Variants in ARID1B observed in about 807,000 individuals in gnomAD.
ARID1B encodes the protein AT-rich interactive domain-containing protein 1B.
Under a neutral mutation model 212.3 loss-of-function variants are expected in ARID1B, and 30 were observed. That is an observed-to-expected ratio of 0.14 (90% CI 0.11 to 0.19). ARID1B has a LOEUF of 0.19. ARID1B is among the 10% of genes least tolerant of loss of function. ARID1B has a pLI of 1.00. For synonymous variants in ARID1B, 1,402 were observed against 1,301.7 expected, an observed-to-expected ratio of 1.08 and a Z score of -1.66; for missense variants, 2,891 against 3,204.0, an observed-to-expected ratio of 0.90 and a Z score of 2.36.
intron 13 of ARID1B, chr6:157,185,987 G>A (rs974886574): frequency 6.5e-6 from 1 of 152,764 alleles, no homozygotes; most frequent in African/African-American, 2.4e-5. Flanking sequence ...AGTTCACAGA[G>A]TAAAACAAGC....
intron 4 of ARID1B, among the ~76,000 whole-genome samples, chr6:156,995,705 G>A (rs1778546391): frequency 6.6e-6 from 1 of 152,214 alleles, no homozygotes; most frequent in South Asian, 2.1e-4. Context: ...TGCTGTACCA[G>A]CTGCTATTAA....
At chr6:157,031,953 C>T (rs1781041359) in intron 4 of ARID1B, among the ~76,000 whole-genome samples, 2 of 152,152 alleles carry the variant, frequency 1.3e-5, no homozygotes, top group Admixed American at 6.5e-5. Flanking sequence ...TGCGCCACCA[C>T]GCTCAGCTAA....
intron 2 of ARID1B, among the ~76,000 whole-genome samples, chr6:156,859,863 A>G (rs1277695421): frequency 1.3e-5 from 2 of 152,228 alleles, no homozygotes; most frequent in Admixed American, 6.5e-5. Context: ...TAATGTTTTC[A>G]TTCAGACTTT....
At chr6:156,816,020 TGAA>T (rs1781940235) in intron 1 of ARID1B, among the ~76,000 whole-genome samples, 1 of 152,256 alleles carries the variant, frequency 6.6e-6, no homozygotes, top group African/African-American at 2.4e-5. Flanking sequence ...TTATGAATCT[TGAA>T]GAATGGTGTG....
At chr6:157,152,782 G>C (rs1297886394) in intron 8 of ARID1B, among the ~76,000 whole-genome samples, 1 of 152,176 alleles carries the variant, frequency 6.6e-6, no homozygotes, top group Non-Finnish European at 1.5e-5. Context: ...TGATGGCTCT[G>C]TTAGGTTGAA....
intron 4 of ARID1B, among the ~76,000 whole-genome samples, chr6:156,987,982 T>C (rs575272113): frequency 6.6e-6 from 1 of 152,324 alleles, no homozygotes; most frequent in Non-Finnish European, 1.5e-5. Flanking sequence ...ATGGTGATGT[T>C]GGGGATAATG....
chr6:156,946,385 T>TAAA (rs1414418520), intron 4 of ARID1B, among the ~76,000 whole-genome samples: 1 of 151,034 alleles, frequency 6.6e-6, no homozygotes, highest in African/African-American at 2.4e-5. Context: ...AAATAAAAAA[T>TAAA]AAATAATAAA....
At chr6:157,033,925 A>AG (rs778482598) in intron 4 of ARID1B, among the ~76,000 whole-genome samples, 1 of 152,202 alleles carries the variant, frequency 6.6e-6, no homozygotes, top group African/African-American at 2.4e-5. Context: ...ACCCTTGAAA[A>AG]GTTCTCTCTC....
intron 5 of ARID1B, among the ~76,000 whole-genome samples, chr6:157,107,431 C>T (rs746035185): frequency 2.6e-5 from 4 of 151,832 alleles, no homozygotes; most frequent in Admixed American, 6.6e-5. Flanking sequence ...ACTATTTTTA[C>T]AAGTTTTCTG....
At chr6:156,896,984 AT>A (rs1788455333) in intron 2 of ARID1B, among the ~76,000 whole-genome samples, 1 of 152,214 alleles carries the variant, frequency 6.6e-6, no homozygotes, top group Admixed American at 6.5e-5. Context: ...GTATGGTGAA[AT>A]GAAAAATGAG....
At chr6:157,039,866 CTT>C (rs1205999132) in intron 4 of ARID1B, among the ~76,000 whole-genome samples, 1 of 118,844 alleles carries the variant, frequency 8.4e-6, no homozygotes, top group African/African-American at 3.2e-5. Flanking sequence ...CTTTCTCTCT[CTT>C]TCTCTTTCTT....
At chr6:157,202,176 A>G (rs1294404319) in intron 18 of ARID1B, among the ~76,000 whole-genome samples, 1 of 152,228 alleles carries the variant, frequency 6.6e-6, no homozygotes, top group Admixed American at 6.5e-5. Context: ...TGTCAATCGA[A>G]TGCTGATGTT....
intron 3 of ARID1B, among the ~76,000 whole-genome samples, chr6:156,903,790 A>G (rs976992253): frequency 1.2e-4 from 18 of 152,216 alleles, no homozygotes; most frequent in African/African-American, 4.1e-4. Context: ...CATAACGACC[A>G]GAACATTTCT....
At chr6:156,980,629 TAGA>T (rs1777549474) in intron 4 of ARID1B, among the ~76,000 whole-genome samples, 1 of 152,194 alleles carries the variant, frequency 6.6e-6, no homozygotes, top group African/African-American at 2.4e-5. Flanking sequence ...GGGCTACTCG[TAGA>T]CAGTGCCGTG....
chr6:157,096,483 A>G (rs1004503384), intron 5 of ARID1B, among the ~76,000 whole-genome samples: 1 of 152,164 alleles, frequency 6.6e-6, no homozygotes, highest in Non-Finnish European at 1.5e-5. Context: ...TGTGACAGAT[A>G]CCTTTCACAA....
intron 4 of ARID1B, among the ~76,000 whole-genome samples, chr6:157,055,047 G>T (rs1182988201): frequency 6.6e-6 from 1 of 152,230 alleles, no homozygotes; most frequent in East Asian, 1.9e-4. Flanking sequence ...ATCCTCCTCA[G>T]CTGGCATCAG....
At chr6:156,804,737 A>G (rs185341912) in intron 1 of ARID1B, among the ~76,000 whole-genome samples, 1 of 152,250 alleles carries the variant, frequency 6.6e-6, no homozygotes, top group African/African-American at 2.4e-5. Flanking sequence ...TGGGAACTAT[A>G]ATTCCAGATA....
At chr6:157,011,303 T>C (rs988885857) in intron 4 of ARID1B, among the ~76,000 whole-genome samples, 2 of 152,262 alleles carry the variant, frequency 1.3e-5, no homozygotes, top group Non-Finnish European at 2.9e-5. Flanking sequence ...CTTCAAGCTC[T>C]AATTAATTGT....
chr6:157,183,290 G>A (rs1220328173), intron 12 of ARID1B, among the ~76,000 whole-genome samples: 4 of 152,072 alleles, frequency 2.6e-5, no homozygotes, highest in East Asian at 1.9e-4. Context: ...GGGCATCTCC[G>A]GGAGCATCCA....
Sources: gnomAD v4.1 joint callset for allele counts (sites outside exome capture counted in the v4.1 genomes callset) on GRCh38, gnomAD v4.1.1 for gene constraint, MANE v1.5 for transcripts, NCBI Gene and HGNC (gene_info 2026-07-23, HGNC 2026-07-21) for gene names.